The following ZNF791 variants were observed in gnomAD, a reference collection of about 807,000 sequenced individuals.
ZNF791 encodes zinc finger protein 791.
Under a neutral mutation model 11.5 loss-of-function variants are expected in ZNF791, and 4 were observed. The observed-to-expected ratio is 0.35, with a 90% CI of 0.17 to 0.80. The LOEUF is 0.80. Among genes scored for constraint, ZNF791 ranks in the 30% least tolerant of loss-of-function variants. ZNF791 has a pLI of 0.53. For synonymous variants in ZNF791, 212 were observed against 228.1 expected (o/e 0.93, Z 0.64); for missense variants, 559 against 699.4 (o/e 0.80, Z 2.26).
chr19:12,615,844 C>T (rs1402820320), intron 1 of ZNF791, among the ~76,000 whole-genome samples: 1 of 150,590 alleles, frequency 6.6e-6, no homozygotes, highest in Non-Finnish European at 1.5e-5. Context: ...TGCATGATGT[C>T]TTGGTTAAGT....
intron 1 of ZNF791, among the ~76,000 whole-genome samples, chr19:12,615,250 G>A (rs528734703): frequency 2.2e-4 from 33 of 151,674 alleles, no homozygotes; most frequent in African/African-American, 6.3e-4. Context: ...TCCTGGGCTC[G>A]AGCACTTCTC....
At chr19:12,611,858 C>A (rs965915891) in intron 1 of ZNF791, among the ~76,000 whole-genome samples, 1 of 152,078 alleles carries the variant, frequency 6.6e-6, no homozygotes. Context: ...CACTGTCCCG[C>A]CTTGGGTTTA....
rs551257912 is a variant in ZNF791 at position 12,628,961 on chromosome 19, AGTT to A, written c.1436_1438del (p.Cys479del). The A allele has an allele frequency of 1.7e-5, 28 of 1,613,944 alleles. No homozygotes were observed. The highest frequency in any genetic ancestry group is 2.3e-5 in the Non-Finnish European group (27 of 1,179,988). On this transcript the variant is annotated inframe_deletion, in exon 4 of 4. Transcript: ENST00000343325. ...ATGTAAACAATGTGGAAAAGCCTTTAGTTGTTCTAGTTACATTCGGATACATAA... is the reference window on the plus strand; with the variant it reads ...ATGTAAACAATGTGGAAAAGCCTTTAGTTCTAGTTACATTCGGATACATAA...
intron 1 of ZNF791, among the ~76,000 whole-genome samples, chr19:12,611,800 T>C (rs73499414): frequency 0.049 from 7,405 of 152,282 alleles, 403 homozygotes; most frequent in African/African-American, 0.13. Context: ...GGTTCCTTTT[T>C]GTAAACTTTC....
chr19:12,613,275 A>C (rs2023189918), intron 1 of ZNF791, among the ~76,000 whole-genome samples: 1 of 150,646 alleles, frequency 6.6e-6, no homozygotes. Context: ...CTGGATGTTT[A>C]AGGAACAATC....
intron 1 of ZNF791, among the ~76,000 whole-genome samples, chr19:12,618,981 G>A (rs1452881233): frequency 6.6e-6 from 1 of 151,590 alleles, no homozygotes; most frequent in African/African-American, 2.4e-5. Context: ...CCGAGTAGCT[G>A]GGACTACAGG....
At chr19:12,627,646 T>C (rs2023448370) in intron 3 of ZNF791, 75 bp from the exon 4 acceptor site, 3 of 1,322,834 alleles carry the variant, frequency 2.3e-6, no homozygotes. Flanking sequence ...AAAAGAACTT[T>C]AGTTCTACTA....
chr19:12,624,790 C>A, intron 3 of ZNF791, 80 bp downstream of exon 3: 3 of 1,076,296 alleles, frequency 2.8e-6, no homozygotes, highest in Non-Finnish European at 4.0e-6. Context: ...TGGCTCACAC[C>A]TGTAATCTCA....
rs139500946 is a variant in ZNF791 at position 12,619,682 on chromosome 19, C to A, written c.4-4018C>A. Among the ~76,000 whole-genome samples the A allele has an allele frequency of 2.6e-3, 401 of 151,714 alleles. 1 individual carries two copies. Among genetic ancestry groups the A allele is most frequent in the African/African-American group, 9.2e-3 (383 of 41,456 alleles). On this transcript the variant is annotated intron_variant, in intron 1 of 3. Coordinates refer to ENST00000343325, the MANE Select transcript of ZNF791 (RefSeq NM_153358.3). ...GCCAGGATGCTCTCGATCTCCTGAC[C>A]TCATGATCTACCTGCCTCGGCCTCC...
At chr19:12,612,109 G>A in intron 1 of ZNF791, 1 of 771,126 alleles carries the variant, frequency 1.3e-6, no homozygotes. Context: ...TGGTATTCCA[G>A]GACTTAAACT....
intron 1 of ZNF791, among the ~76,000 whole-genome samples, chr19:12,618,212 C>T (rs1165023075): frequency 3.7e-4 from 57 of 152,072 alleles, no homozygotes; most frequent in Non-Finnish European, 4.4e-5. Context: ...GCCACCACGT[C>T]CACCAACCAT....
intron 1 of ZNF791, among the ~76,000 whole-genome samples, chr19:12,619,302 A>G (rs2023296050): frequency 6.6e-6 from 1 of 152,190 alleles, no homozygotes. Flanking sequence ...GCAAACGCAC[A>G]ATAAATTCTC....
chr19:12,617,362 G>A (rs1265394534), intron 1 of ZNF791, among the ~76,000 whole-genome samples: 1 of 152,038 alleles, frequency 6.6e-6, no homozygotes, highest in African/African-American at 2.4e-5. Flanking sequence ...CTGACCTCGT[G>A]ATCCGCCCAC....
chr19:12,624,604 A>T, intron 2 of ZNF791, 46 bp from the exon 3 acceptor site: 1 of 1,389,746 alleles, frequency 7.2e-7, no homozygotes, highest in Non-Finnish European at 9.9e-7. Flanking sequence ...TAATATTTGT[A>T]TAATTTTTAA....
In ZNF791 at chr19:12,631,188, C is replaced by A. The variant is rs1160766092; in HGVS notation, c.*1928C>A. On this transcript the variant is annotated 3_prime_UTR_variant, in exon 4 of 4. Transcript: ENST00000343325. Reference sequence around the variant, plus strand: ...CTCATAAATACTTAACATTTTGTTACAATTTCCTACAGTGTTCAGTACAAC... The same window carrying A: ...CTCATAAATACTTAACATTTTGTTAAAATTTCCTACAGTGTTCAGTACAAC... 3 of 152,162 alleles carry A rather than the reference C, an allele frequency of 2.0e-5. No homozygotes were observed. The highest frequency in any genetic ancestry group is 7.2e-5 in the African/African-American group (3 of 41,428). The allele number at this position is 152,162 out of a possible 1,614,324, so 9.4% of individuals were successfully genotyped here.
At position 12,628,259 on chromosome 19, in the gene ZNF791, T is replaced by C; in HGVS notation, c.730T>C (p.Tyr244His). The C allele has an allele frequency of 6.2e-7, 1 of 1,613,962 alleles. No homozygotes were observed. Residue 244 changes from tyrosine to histidine, a missense_variant, in exon 4 of 4, where the codon TAT becomes CAT. Transcript: ENST00000343325. Reference sequence around the variant, plus strand: ...AAGAACTCACACTGGAGAGAAACCCTATGCATGTAAGGAATGTGGGAAAGC... The same window carrying C: ...AAGAACTCACACTGGAGAGAAACCCCATGCATGTAAGGAATGTGGGAAAGC... ...HERTHTGEKP[Y>H]ACKECGKAFI...
rs950420903 is a variant in ZNF791, at chr19:12,630,574, A to G, written c.*1314A>G. Reference sequence around the variant, plus strand: ...GTATTCCTGTGTTTTTTTAACAGTAAGACAGTCTCAGGCAGGTCCTTAAGG... The same window carrying G: ...GTATTCCTGTGTTTTTTTAACAGTAGGACAGTCTCAGGCAGGTCCTTAAGG... On this transcript the variant is annotated 3_prime_UTR_variant, in exon 4 of 4. Coordinates refer to ENST00000343325, the MANE Select transcript of ZNF791 (RefSeq NM_153358.3). 1 of 152,186 alleles carries G rather than the reference A, an allele frequency of 6.6e-6. No individual in the cohort carries two copies. The highest frequency in any genetic ancestry group is 1.5e-5 in the Non-Finnish European group (1 of 68,044). 9.4% of individuals were successfully genotyped at this position (152,186 alleles called of 1,614,324 possible).
rs1244910695 is a variant in ZNF791 at position 12,633,333 on chromosome 19, C to T, written c.*4073C>T. 6.6e-6 allele frequency: 1 copy of T among 152,084 alleles called. No homozygotes were observed. The allele number at this position is 152,084 out of a possible 1,614,324, so 9.4% of individuals were successfully genotyped here. ...AGAGCTGGACGTGGCCCTCCTGCTACCTGTCGACACAGGTAAATTTCCTAG... is the reference window on the plus strand; with the variant it reads ...AGAGCTGGACGTGGCCCTCCTGCTATCTGTCGACACAGGTAAATTTCCTAG... On this transcript the variant is annotated 3_prime_UTR_variant, in exon 4 of 4. Transcript: ENST00000343325.
In ZNF791 at chr19:12,629,937, G is replaced by C. The variant is rs2023482035; in HGVS notation, c.*677G>C. On this transcript the variant is annotated 3_prime_UTR_variant, in exon 4 of 4. Transcript: ENST00000343325. ...TGTGATCCCAACACTGGGAGACTAA[G>C]GCAGTAGGATTGCTTGATGCCAGGA... 1.3e-5 allele frequency: 2 copies of C among 151,330 alleles called. No homozygotes were observed. 9.4% of individuals were successfully genotyped at this position (151,330 alleles called of 1,614,324 possible). A position where few individuals can be genotyped will look rare whatever the true frequency, so the allele number is the denominator to read the frequency against.
Sources: gnomAD v4.1 joint callset for allele counts (sites outside exome capture counted in the v4.1 genomes callset) on GRCh38, gnomAD v4.1.1 for gene constraint, MANE v1.5 for transcripts, NCBI Gene and HGNC (gene_info 2026-07-23, HGNC 2026-07-21) for gene names.